SLC7A8: variants seen among roughly 807,000 people sequenced by gnomAD.
SLC7A8 encodes the protein solute carrier family 7 member 8.
In SLC7A8, 30 loss-of-function variants were observed where a neutral mutation model predicts 51.2. The observed-to-expected ratio is 0.59, with a 90% CI of 0.44 to 0.80. SLC7A8 has a LOEUF of 0.80. Among genes scored for constraint, SLC7A8 ranks in the 30% least tolerant of loss-of-function variants. The pLI is 0.00. For synonymous variants in SLC7A8, 257 were observed against 275.8 expected, an observed-to-expected ratio of 0.93 and a Z score of 0.67; for missense variants, 612 against 674.4, an observed-to-expected ratio of 0.91 and a Z score of 1.03.
Position 23,165,542 on chromosome 14 carries a change from G to A in SLC7A8, c.357-106C>T. ...TCTCTTTTTTATTTTCAAGGATGCT[G>A]AAGAGCCCAGCCTCTGCCCCCACCC... On this transcript the variant is annotated intron_variant, in intron 2 of 10. Coordinates refer to ENST00000316902, the MANE Select transcript of SLC7A8 (RefSeq NM_012244.4). This position sits in a 1 kb window ranked among gnomAD's most constrained non-coding sequence, Gnocchi z 4.2. The A allele has an allele frequency of 8.2e-7, 1 of 1,213,718 alleles. No individual in the cohort carries two copies. Among genetic ancestry groups the A allele is most frequent in the Non-Finnish European group, 1.1e-6 (1 of 892,432 alleles). 75.2% of individuals were successfully genotyped at this position (1,213,718 alleles called of 1,614,324 possible).
At chr14:23,129,541 G>C in intron 9 of SLC7A8, 109 bp downstream of exon 9, 1 of 1,291,536 alleles carries the variant, frequency 7.7e-7, no homozygotes, top group South Asian at 1.4e-5. Flanking sequence ...GCTACCATCA[G>C]AGATGATGAC....
chr14:23,156,650 C>T (rs569560221), intron 3 of SLC7A8, among the ~76,000 whole-genome samples: 1 of 152,324 alleles, frequency 6.6e-6, no homozygotes, highest in African/African-American at 2.4e-5. Context: ...CAGTCAGCAA[C>T]AAAAGGCCAG....
intron 3 of SLC7A8, among the ~76,000 whole-genome samples, chr14:23,152,140 C>CT (rs1003095114): frequency 4.5e-4 from 68 of 151,908 alleles, no homozygotes; most frequent in Middle Eastern, 3.4e-3. Flanking sequence ...TAACTGTTTT[C>CT]TTTTTTTTGA....
chr14:23,154,196 C>T (rs1731562537), intron 3 of SLC7A8: 1 of 982,270 alleles, frequency 1.0e-6, no homozygotes, highest in Admixed American at 6.2e-5. Flanking sequence ...CCCCAGCCCT[C>T]TGAAACGCCA....
At chr14:23,164,897 T>C (rs1652563963) in intron 3 of SLC7A8, among the ~76,000 whole-genome samples, 1 of 150,884 alleles carries the variant, frequency 6.6e-6, no homozygotes, top group African/African-American at 2.4e-5. Context: ...GAGTCTGAGG[T>C]GGGAGAATCA....
intron 3 of SLC7A8, among the ~76,000 whole-genome samples, chr14:23,149,399 G>C (rs1315709975): frequency 6.6e-6 from 1 of 152,062 alleles, no homozygotes; most frequent in Non-Finnish European, 1.5e-5. Context: ...ACCCAGATAC[G>C]CAAACACTGG....
chr14:23,178,283 G>A (rs73600419), intron 1 of SLC7A8, among the ~76,000 whole-genome samples: 5,397 of 152,222 alleles, frequency 0.035, 308 homozygotes, highest in African/African-American at 0.12. Flanking sequence ...TCGACTTTGG[G>A]GGGAACTCCA....
intron 3 of SLC7A8, chr14:23,156,417 C>T (rs776091681): frequency 5.9e-5 from 9 of 152,220 alleles, no homozygotes; most frequent in Non-Finnish European, 7.3e-5. Context: ...GTGAGCACAA[C>T]TTGCTGAACT....
chr14:23,128,261 G>T lies in SLC7A8; in HGVS notation c.1264-65C>A. On this transcript the variant is annotated intron_variant, in intron 9 of 10. Coordinates refer to ENST00000316902, the MANE Select transcript of SLC7A8 (RefSeq NM_012244.4). This position sits in a 1 kb window ranked among gnomAD's most constrained non-coding sequence, Gnocchi z 4.3. The stretch of plus-strand genomic sequence containing the variant: ...CACGTGGCCCCCAGGACTAGGGACT[G>T]GGGCATTCTCTCTCTTCTTCACCCA... 6.3e-7 allele frequency: 1 copy of T among 1,596,264 alleles called. No homozygotes were observed. The highest frequency in any genetic ancestry group is 8.5e-7 in the Non-Finnish European group (1 of 1,171,534).
chr14:23,143,069 C>A lies in SLC7A8; in HGVS notation c.634+10G>T, dbSNP rs35329117. 1.4e-3 allele frequency: 2,223 copies of A among 1,613,304 alleles called. 4 individuals are homozygous for A. Among genetic ancestry groups the A allele is most frequent in the South Asian group, 3.3e-3 (304 of 91,040 alleles). ...AGCTGGGCAGTACCTGTTTTTCCTGCGATACTCACCTTTGCATATCTGTAC... is the reference window on the plus strand; with the variant it reads ...AGCTGGGCAGTACCTGTTTTTCCTGAGATACTCACCTTTGCATATCTGTAC... On this transcript the variant is annotated intron_variant, in intron 4 of 10. Transcript: ENST00000316902.
chr14:23,163,865 C>T (rs900286558), intron 3 of SLC7A8, among the ~76,000 whole-genome samples: 11 of 152,248 alleles, frequency 7.2e-5, no homozygotes, highest in South Asian at 4.1e-4. Context: ...CCTAGAAATA[C>T]GGCTCTGCAG....
At chr14:23,149,202 A>G (rs968616030) in intron 3 of SLC7A8, among the ~76,000 whole-genome samples, 2 of 152,102 alleles carry the variant, frequency 1.3e-5, no homozygotes, top group Non-Finnish European at 2.9e-5. Flanking sequence ...GAGTGTTCCT[A>G]TTTCCTCTTC....
intron 1 of SLC7A8, among the ~76,000 whole-genome samples, chr14:23,179,157 A>T (rs888844114): frequency 2.0e-5 from 3 of 152,152 alleles, no homozygotes; most frequent in African/African-American, 7.2e-5. Context: ...GATGCTTCTT[A>T]ATCTAGTTCT....
chr14:23,158,535 G>A (rs56401711), intron 3 of SLC7A8, among the ~76,000 whole-genome samples: 12,812 of 152,146 alleles, frequency 0.084, 1,204 homozygotes, highest in African/African-American at 0.23. Flanking sequence ...TAGTAGCGAC[G>A]GGGTTTCACC....
intron 4 of SLC7A8, among the ~76,000 whole-genome samples, chr14:23,142,527 G>A (rs577510335): frequency 6.6e-6 from 1 of 152,160 alleles, no homozygotes; most frequent in African/African-American, 2.4e-5. Flanking sequence ...TTGAGACAAG[G>A]TCTTGCTCAG....
At chr14:23,135,773 G>C (rs2048685141) in intron 7 of SLC7A8, among the ~76,000 whole-genome samples, 1 of 152,058 alleles carries the variant, frequency 6.6e-6, no homozygotes. Context: ...TATTGAAGGA[G>C]ATGGGATATC....
rs538388782 is a variant in SLC7A8, at chr14:23,165,826, G to C, written c.357-390C>G. Among the ~76,000 whole-genome samples the C allele has an allele frequency of 3.1e-4, 47 of 152,204 alleles. No homozygotes were observed. The highest frequency in any genetic ancestry group is 4.6e-4 in the Non-Finnish European group (31 of 68,002). On this transcript the variant is annotated intron_variant, in intron 2 of 10. Transcript: ENST00000316902. This position sits in a 1 kb window ranked among gnomAD's most constrained non-coding sequence, Gnocchi z 4.2. ...AGAGGTATCAAGTGGGGGTTTGCAG[G>C]GGAAGCGCCTTCCACACCTTTTGGC...
intron 9 of SLC7A8, 85 bp downstream of exon 9, chr14:23,129,565 C>G: frequency 2.7e-6 from 4 of 1,493,814 alleles, no homozygotes; most frequent in Middle Eastern, 2.2e-4. Flanking sequence ...TGGTCAGCAG[C>G]TAAGAACAGA....
chr14:23,166,632 G>T, intron 1 of SLC7A8, 92 bp from the exon 2 acceptor site: 1 of 1,294,632 alleles, frequency 7.7e-7, no homozygotes, highest in Non-Finnish European at 1.1e-6. Flanking sequence ...TTTCTGATCT[G>T]ATTCTGAAAT....
Sources: gnomAD v4.1 joint callset for allele counts (sites outside exome capture counted in the v4.1 genomes callset) on GRCh38, gnomAD v4.1.1 for gene constraint, Gnocchi (gnomAD v3.1) non-coding constraint, MANE v1.5 for transcripts, NCBI Gene and HGNC (gene_info 2026-07-23, HGNC 2026-07-21) for gene names.